The following ST6GAL1 variants were observed in gnomAD, a reference collection of about 807,000 sequenced individuals.
ST6GAL1 encodes ST6 beta-galactoside alpha-2,6-sialyltransferase 1, also known as beta-galactoside alpha-2,6-sialyltransferase 1.
In ST6GAL1, 20 loss-of-function variants were observed where a neutral mutation model predicts 38.0. The observed-to-expected ratio is 0.53, with a 90% CI of 0.37 to 0.77. The LOEUF (loss-of-function observed/expected upper bound fraction) is 0.77, where lower values mean the gene tolerates loss of function less well. Among genes scored for constraint, ST6GAL1 ranks in the 30% least tolerant of loss-of-function variants. The pLI is 0.00. For synonymous variants in ST6GAL1, 196 were observed against 188.2 expected (o/e 1.04, Z -0.34); for missense variants, 432 against 496.4 (o/e 0.87, Z 1.23).
At chr3:187,068,204 T>A (rs1247918982) in intron 5 of ST6GAL1, among the ~76,000 whole-genome samples, 1 of 152,082 alleles carries the variant, frequency 6.6e-6, no homozygotes, top group Non-Finnish European at 1.5e-5. Context: ...TAGCTGGGTG[T>A]GGTGGCACAT....
chr3:187,047,601 G>A (rs765477691), intron 4 of ST6GAL1, among the ~76,000 whole-genome samples: 93 of 152,006 alleles, frequency 6.1e-4, no homozygotes, highest in Non-Finnish European at 1.2e-3. Flanking sequence ...ACAGAGAGGT[G>A]GTAGTTTCTT....
At chr3:186,985,836 T>A (rs974162517) in intron 2 of ST6GAL1, among the ~76,000 whole-genome samples, 3 of 151,362 alleles carry the variant, frequency 2.0e-5, no homozygotes, top group African/African-American at 7.3e-5. Context: ...GAGGGAGATG[T>A]CACTGGGGGC....
intron 3 of ST6GAL1, among the ~76,000 whole-genome samples, chr3:187,040,868 T>C (rs1718102225): frequency 6.6e-6 from 1 of 152,120 alleles, no homozygotes. Context: ...GTTCCCAGAG[T>C]CACTGGTTCC....
chr3:187,019,422 G>A (rs892015493), intron 2 of ST6GAL1, among the ~76,000 whole-genome samples: 1 of 152,214 alleles, frequency 6.6e-6, no homozygotes, highest in Non-Finnish European at 1.5e-5. Context: ...CAGAAGTGAT[G>A]TATGTTATTT....
intron 2 of ST6GAL1, chr3:186,986,748 G>T (rs978928952): frequency 2.6e-5 from 4 of 152,162 alleles, no homozygotes; most frequent in African/African-American, 9.7e-5. Context: ...GGACAAGAGA[G>T]TTGGCCAAAT....
At chr3:186,995,750 A>C (rs565446305) in intron 2 of ST6GAL1, among the ~76,000 whole-genome samples, 6 of 152,274 alleles carry the variant, frequency 3.9e-5, no homozygotes, top group African/African-American at 1.2e-4. Context: ...AGGCTGAGGC[A>C]GGAGAATAGC....
intron 5 of ST6GAL1, among the ~76,000 whole-genome samples, chr3:187,065,106 C>T (rs1286957556): frequency 2.6e-5 from 4 of 151,674 alleles, no homozygotes; most frequent in African/African-American, 9.7e-5. Context: ...TCAAGTGATT[C>T]CCCTGCCTCG....
intron 2 of ST6GAL1, among the ~76,000 whole-genome samples, chr3:186,976,499 G>A (rs912023655): frequency 2.0e-5 from 3 of 151,850 alleles, no homozygotes; most frequent in East Asian, 1.9e-4. Flanking sequence ...GCACTATCTC[G>A]GCTCACTGCA....
At chr3:187,055,147 C>T (rs1410107454) in intron 5 of ST6GAL1, among the ~76,000 whole-genome samples, 4 of 151,620 alleles carry the variant, frequency 2.6e-5, no homozygotes, top group African/African-American at 4.8e-5. Flanking sequence ...GGTGATATCC[C>T]AATTTATCGT....
intron 1 of ST6GAL1, among the ~76,000 whole-genome samples, chr3:186,937,519 C>T (rs1324185863): frequency 2.0e-5 from 3 of 152,166 alleles, no homozygotes; most frequent in African/African-American, 7.2e-5. Flanking sequence ...TGAGCAACTC[C>T]AAGGTCACTT....
intron 1 of ST6GAL1, among the ~76,000 whole-genome samples, chr3:186,954,048 T>G (rs1714667368): frequency 1.3e-5 from 2 of 152,142 alleles, no homozygotes; most frequent in Admixed American, 6.5e-5. Flanking sequence ...GTTCTTATTG[T>G]TTAGCTCCCA....
intron 1 of ST6GAL1, among the ~76,000 whole-genome samples, chr3:186,934,050 C>A (rs548710791): frequency 2.3e-4 from 35 of 152,202 alleles, no homozygotes; most frequent in Non-Finnish European, 4.8e-4. Flanking sequence ...AGGCAAGAGG[C>A]AGTGAGAAGA....
intron 2 of ST6GAL1, among the ~76,000 whole-genome samples, chr3:187,013,641 G>A (rs998547056): frequency 1.7e-4 from 26 of 152,218 alleles, no homozygotes; most frequent in African/African-American, 5.5e-4. Flanking sequence ...CTGGAGTGCA[G>A]TGATGCAATC....
chr3:187,023,273 C>T (rs1457312842), intron 2 of ST6GAL1, among the ~76,000 whole-genome samples: 7 of 152,332 alleles, frequency 4.6e-5, no homozygotes, highest in Non-Finnish European at 1.5e-5. Flanking sequence ...GTCCCTATTT[C>T]TCTTCCCTAC....
At chr3:186,979,210 T>C (rs905698336) in intron 2 of ST6GAL1, among the ~76,000 whole-genome samples, 2 of 151,960 alleles carry the variant, frequency 1.3e-5, no homozygotes, top group Non-Finnish European at 2.9e-5. Context: ...TTAACTGAAA[T>C]GTTAGGTTAG....
chr3:186,968,052 C>T (rs1188679546), intron 2 of ST6GAL1, among the ~76,000 whole-genome samples: 1 of 152,176 alleles, frequency 6.6e-6, no homozygotes, highest in Non-Finnish European at 1.5e-5. Context: ...TCATTTGGAG[C>T]CTTCTTTGAG....
At chr3:186,965,642 G>T (rs779400135) in intron 2 of ST6GAL1, among the ~76,000 whole-genome samples, 9 of 152,214 alleles carry the variant, frequency 5.9e-5, no homozygotes, top group East Asian at 1.9e-4. Context: ...GCGAAAGTAC[G>T]TACTCCTGGG....
chr3:187,042,615 C>T, intron 3 of ST6GAL1, 39 bp from the exon 4 acceptor site: 1 of 1,517,938 alleles, frequency 6.6e-7, no homozygotes, highest in Non-Finnish European at 8.8e-7. Context: ...TTGGGTTTTT[C>T]TTTACATCAT....
intron 3 of ST6GAL1, 96 bp from the exon 4 acceptor site, chr3:187,042,558 C>G (rs1718161259): frequency 3.3e-6 from 4 of 1,206,746 alleles, no homozygotes; most frequent in Admixed American, 2.4e-5. Flanking sequence ...TTCAAGTCAC[C>G]TCATTTCAAA....
Sources: gnomAD v4.1 joint callset for allele counts (sites outside exome capture counted in the v4.1 genomes callset) on GRCh38, gnomAD v4.1.1 for gene constraint, MANE v1.5 for transcripts, NCBI Gene and HGNC (gene_info 2026-07-23, HGNC 2026-07-21) for gene names.